Variants in ZBTB8OS observed in about 807,000 individuals in gnomAD.
ZBTB8OS encodes the protein tRNA splicing ligase complex subunit 1.
Under a neutral mutation model 29.3 loss-of-function variants are expected in ZBTB8OS, and 16 were observed. That is an observed-to-expected ratio of 0.55 (90% confidence interval 0.37 to 0.83). The LOEUF (loss-of-function observed/expected upper bound fraction) is 0.83. Among genes scored for constraint, ZBTB8OS ranks in the 40% least tolerant of loss-of-function variants. The probability of loss-of-function intolerance (pLI) is 0.00; values close to 1 mark genes in which losing one functional copy is unlikely to be tolerated. For synonymous variants in ZBTB8OS, 70 were observed against 64.6 expected (o/e 1.08, Z -0.40); for missense variants, 160 against 196.9 (o/e 0.81, Z 1.12).
intron 5 of ZBTB8OS, among the ~76,000 whole-genome samples, chr1:32,628,852 T>A (rs529959725): frequency 1.3e-4 from 20 of 151,030 alleles, no homozygotes; most frequent in Non-Finnish European, 2.8e-4. Flanking sequence ...ACAAGAATGG[T>A]TTGAATCTGG....
At chr1:32,625,592 C>G (rs965864455) in intron 6 of ZBTB8OS, among the ~76,000 whole-genome samples, 1 of 151,948 alleles carries the variant, frequency 6.6e-6, no homozygotes, top group Non-Finnish European at 1.5e-5. Context: ...GAGTACCAAG[C>G]TGGAATTGGT....
At chr1:32,638,094 C>A (rs550875196) in intron 1 of ZBTB8OS, among the ~76,000 whole-genome samples, 1 of 152,134 alleles carries the variant, frequency 6.6e-6, no homozygotes, top group South Asian at 2.1e-4. Context: ...ACACTGGCTT[C>A]CCAAAGTGCT....
chr1:32,629,047 T>C (rs895306074), intron 5 of ZBTB8OS, among the ~76,000 whole-genome samples: 2 of 152,232 alleles, frequency 1.3e-5, no homozygotes, highest in East Asian at 1.9e-4. Flanking sequence ...TCAATAAACA[T>C]TGTTTAGTAA....
chr1:32,623,552 T>C (rs547321033), intron 6 of ZBTB8OS, among the ~76,000 whole-genome samples: 39 of 152,258 alleles, frequency 2.6e-4, no homozygotes, highest in African/African-American at 9.1e-4. Context: ...CTTAGCCTGA[T>C]TGCAATGAAT....
chr1:32,627,691 G>C (rs1353389764), intron 5 of ZBTB8OS, 147 bp from the exon 6 acceptor site: 1 of 687,624 alleles, frequency 1.5e-6, no homozygotes, highest in African/African-American at 1.8e-5. Context: ...TCATTTGTCA[G>C]AAGATACAGC....
intron 6 of ZBTB8OS, among the ~76,000 whole-genome samples, chr1:32,623,261 G>A (rs1403706501): frequency 6.6e-6 from 1 of 152,184 alleles, no homozygotes; most frequent in African/African-American, 2.4e-5. Flanking sequence ...AAGTTCAACT[G>A]TCTGCTTATG....
At chr1:32,628,543 A>G (rs1428947411) in intron 5 of ZBTB8OS, among the ~76,000 whole-genome samples, 1 of 151,864 alleles carries the variant, frequency 6.6e-6, no homozygotes, top group East Asian at 1.9e-4. Flanking sequence ...AGGCTGAGGC[A>G]GGAGAATCGC....
intron 4 of ZBTB8OS, among the ~76,000 whole-genome samples, chr1:32,632,829 T>C (rs1206013644): frequency 6.6e-6 from 1 of 152,142 alleles, no homozygotes; most frequent in African/African-American, 2.4e-5. Context: ...AAGCTGTTGT[T>C]TAACGCTGGG....
chr1:32,621,825 AAC>A lies in ZBTB8OS; in HGVS notation c.*35_*36del. Reference sequence around the variant, plus strand: ...TTCTCAAAAGGAAGAGGAAAACAAAAACAGTTCTTCGTAGGAGTCTTTTATTT... The same window carrying A: ...TTCTCAAAAGGAAGAGGAAAACAAAAAGTTCTTCGTAGGAGTCTTTTATTT... On this transcript the variant is annotated 3_prime_UTR_variant, in exon 7 of 7. Transcript: ENST00000468695. 1 of 1,422,390 alleles carries A rather than the reference AAC, an allele frequency of 7.0e-7. No individual in the cohort carries two copies. The highest frequency in any genetic ancestry group is 9.7e-7 in the Non-Finnish European group (1 of 1,033,278). 88.1% of individuals were successfully genotyped at this position (1,422,390 alleles called of 1,614,324 possible).
intron 4 of ZBTB8OS, chr1:32,633,413 C>T: frequency 2.4e-6 from 1 of 415,636 alleles, no homozygotes; most frequent in Non-Finnish European, 4.3e-6. Context: ...ATTTTTATCA[C>T]ACAATCCTGA....
At chr1:32,640,615 A>G (rs533700006) in intron 1 of ZBTB8OS, among the ~76,000 whole-genome samples, 19 of 152,252 alleles carry the variant, frequency 1.2e-4, no homozygotes, top group Non-Finnish European at 2.2e-4. Context: ...CCAAGGTCCA[A>G]GTGATACTTC....
At chr1:32,633,357 AT>A in intron 4 of ZBTB8OS, 1 of 290,324 alleles carries the variant, frequency 3.4e-6, no homozygotes, top group Non-Finnish European at 6.4e-6. Flanking sequence ...CCCTGTCTCT[AT>A]CAAAAACAAA....
At chr1:32,627,835 G>C in intron 5 of ZBTB8OS, 1 of 393,850 alleles carries the variant, frequency 2.5e-6, no homozygotes, top group African/African-American at 2.1e-5. Context: ...AGGAGTTTGA[G>C]AACAGCCTGA....
At chr1:32,649,062 G>C (rs914878486) in intron 1 of ZBTB8OS, among the ~76,000 whole-genome samples, 1 of 149,626 alleles carries the variant, frequency 6.7e-6, no homozygotes, top group African/African-American at 2.5e-5. Context: ...CACCCTCCTG[G>C]GTTCAAGCAA....
At chr1:32,638,896 A>G (rs577600576) in intron 1 of ZBTB8OS, among the ~76,000 whole-genome samples, 1 of 152,192 alleles carries the variant, frequency 6.6e-6, no homozygotes, top group Admixed American at 6.6e-5. Context: ...CCTGTGTGAC[A>G]GAGTGAGACT....
intron 6 of ZBTB8OS, among the ~76,000 whole-genome samples, chr1:32,622,610 G>C (rs1399523048): frequency 6.6e-6 from 1 of 151,978 alleles, no homozygotes. Context: ...TGCCTATCAG[G>C]TATTATGCTG....
Position 32,621,964 on chromosome 1 carries a change from G to GAA in ZBTB8OS, c.418-17_418-16insTT, listed in dbSNP as rs757861917. ...CTTCTGTTCCCTAAAGTTGGGGTTA[G>GAA]AGAAAAAAAAAAAAAAAAGGAAAAT... On this transcript the variant is annotated splice_polypyrimidine_tract_variant and intron_variant, in intron 6 of 6. Coordinates refer to ENST00000468695, the MANE Select transcript of ZBTB8OS (RefSeq NM_178547.5). The GAA allele has an allele frequency of 2.6e-5, 27 of 1,022,388 alleles. No individual in the cohort carries two copies. The highest frequency in any genetic ancestry group is 2.0e-4 in the South Asian group (9 of 45,832). The allele number at this position is 1,022,388 out of a possible 1,614,324, so 63.3% of individuals were successfully genotyped here. A position where few individuals can be genotyped will look rare whatever the true frequency, so the allele number is the denominator to read the frequency against.
chr1:32,625,244 A>G (rs1467556907), intron 6 of ZBTB8OS, among the ~76,000 whole-genome samples: 2 of 150,330 alleles, frequency 1.3e-5, no homozygotes, highest in Non-Finnish European at 3.0e-5. Flanking sequence ...AAGAATAATA[A>G]TAATAAAAAA....
At chr1:32,642,628 A>C (rs1340910775) in intron 1 of ZBTB8OS, among the ~76,000 whole-genome samples, 5 of 150,322 alleles carry the variant, frequency 3.3e-5, no homozygotes, top group African/African-American at 1.2e-4. Context: ...CCCAATCCTA[A>C]AGATGTTAAC....
Sources: gnomAD v4.1 joint callset for allele counts (sites outside exome capture counted in the v4.1 genomes callset) on GRCh38, gnomAD v4.1.1 for gene constraint, MANE v1.5 for transcripts, NCBI Gene and HGNC (gene_info 2026-07-23, HGNC 2026-07-21) for gene names.